Variants in SWT1 observed in about 807,000 individuals in gnomAD.
SWT1 encodes the protein SWT1 RNA endoribonuclease homolog.
In SWT1, 33 loss-of-function variants were observed where a neutral mutation model predicts 107.3. The observed-to-expected ratio is 0.31, with a 90% CI of 0.23 to 0.41. The LOEUF (loss-of-function observed/expected upper bound fraction) is 0.41. Among genes scored for constraint, SWT1 ranks in the 10% least tolerant of loss-of-function variants. The pLI is 1.00. For synonymous variants in SWT1, 345 were observed against 348.3 expected (o/e 0.99, Z 0.11); for missense variants, 898 against 1,028.9 (o/e 0.87, Z 1.74).
chr1:185,253,163 C>G (rs1373965596), intron 16 of SWT1, among the ~76,000 whole-genome samples: 1 of 147,892 alleles, frequency 6.8e-6, no homozygotes, highest in Non-Finnish European at 1.5e-5. Flanking sequence ...GGTACCAGTA[C>G]CATGCTGTTT....
chr1:185,223,777 T>C (rs1659850814), intron 15 of SWT1, among the ~76,000 whole-genome samples: 1 of 152,192 alleles, frequency 6.6e-6, no homozygotes. Flanking sequence ...TTAATTGTTT[T>C]TCCTGATCCT....
chr1:185,221,980 G>C lies in SWT1; in HGVS notation c.2253G>C (p.Arg751Ser), dbSNP rs747911535. 3 of 1,611,334 alleles carry C rather than the reference G, an allele frequency of 1.9e-6. No homozygotes were observed. In the East Asian group the frequency reaches 6.7e-5, roughly 36 times the overall value. Residue 751 changes from arginine to serine, a missense_variant, in exon 15 of 19, where the codon AGG (arginine) becomes AGC (serine). By Grantham distance (110) the Arg-to-Ser change is moderately radical (BLOSUM62 -1). Transcript: ENST00000367500. ...FSSSHLPQPS[R>S]HQEIWSILES... Reference sequence around the variant, plus strand: ...GTTCTCATCTTCCCCAACCCAGCAGGCATCAAGAAATCTGGTCTATCCTAG... The same window carrying C: ...GTTCTCATCTTCCCCAACCCAGCAGCCATCAAGAAATCTGGTCTATCCTAG...
At chr1:185,185,051 A>G (rs1656335797) in intron 9 of SWT1, 120 bp downstream of exon 9, 1 of 653,986 alleles carries the variant, frequency 1.5e-6, no homozygotes, top group Non-Finnish European at 2.3e-6. Context: ...GTGAAATGGA[A>G]GGGGCATTGT....
intron 16 of SWT1, among the ~76,000 whole-genome samples, chr1:185,257,063 G>A (rs1285369944): frequency 6.6e-6 from 1 of 152,058 alleles, no homozygotes; most frequent in Non-Finnish European, 1.5e-5. Flanking sequence ...GTGTGCCCCT[G>A]CTGGGGGGTG....
chr1:185,275,425 A>C (rs926528406), intron 17 of SWT1, among the ~76,000 whole-genome samples: 4 of 149,098 alleles, frequency 2.7e-5, no homozygotes, highest in African/African-American at 9.8e-5. Flanking sequence ...ATAATCATTA[A>C]ATATAATATC....
At chr1:185,200,233 C>T (rs1309318129) in intron 10 of SWT1, among the ~76,000 whole-genome samples, 2 of 152,134 alleles carry the variant, frequency 1.3e-5, no homozygotes, top group African/African-American at 4.8e-5. Flanking sequence ...TACTCACCTT[C>T]TGAAGCCTAC....
At position 185,243,151 on chromosome 1, in the gene SWT1, C is replaced by A. The variant is rs566768704; in HGVS notation, c.2441+11443C>A. On this transcript the variant is annotated intron_variant, in intron 16 of 18. Transcript: ENST00000367500. ...TGAAACAGGGTTTCACTCGGATGCC[C>A]AGGCTGGAGTGCAGTGCTGTGATCT... Among the ~76,000 whole-genome samples the A allele has an allele frequency of 1.6e-4, 24 of 152,296 alleles. No homozygotes were observed. The South Asian group carries it at 4.8e-3, about 30-fold the overall frequency.
intron 18 of SWT1, among the ~76,000 whole-genome samples, chr1:185,279,553 A>C (rs1304695195): frequency 6.6e-6 from 1 of 152,046 alleles, no homozygotes; most frequent in East Asian, 1.9e-4. Context: ...GAAAAATGGT[A>C]ATTGCTGCTC....
At position 185,180,285 on chromosome 1, in the gene SWT1, AC is replaced by A. The variant is rs1357009030; in HGVS notation, c.967-102del. The A allele has an allele frequency of 3.5e-6, 3 of 857,354 alleles. No individual in the cohort carries two copies. The African/African-American group carries it at 5.0e-5, about 14-fold the overall frequency. The allele number at this position is 857,354 out of a possible 1,614,324, so 53.1% of individuals were successfully genotyped here. A position where few individuals can be genotyped will look rare whatever the true frequency, so the allele number is the denominator to read the frequency against. Reference sequence around the variant, plus strand: ...TAACCATCCTGCAATATACAGGGCAACCCCTAAAGTGAATTATCTGACCCTG... The same window carrying A: ...TAACCATCCTGCAATATACAGGGCAACCCTAAAGTGAATTATCTGACCCTG... On this transcript the variant is annotated intron_variant, in intron 5 of 18. Coordinates refer to ENST00000367500, the MANE Select transcript of SWT1 (RefSeq NM_017673.7).
chr1:185,180,813 A>T (rs76481441), intron 6 of SWT1, among the ~76,000 whole-genome samples: 5,404 of 152,276 alleles, frequency 0.035, 308 homozygotes, highest in African/African-American at 0.12. Context: ...CATCAATAAG[A>T]TGAAAACATT....
At chr1:185,186,045 C>T (rs934717763) in intron 9 of SWT1, among the ~76,000 whole-genome samples, 1 of 151,626 alleles carries the variant, frequency 6.6e-6, no homozygotes, top group East Asian at 1.9e-4. Flanking sequence ...TAGCATAACC[C>T]GGGGGAAGTT....
At chr1:185,267,427 A>T (rs1663485879) in intron 16 of SWT1, among the ~76,000 whole-genome samples, 1 of 152,182 alleles carries the variant, frequency 6.6e-6, no homozygotes, top group South Asian at 2.1e-4. Context: ...GTCAGACTTA[A>T]GTGTTCAGTA....
At chr1:185,261,330 C>T (rs2102693883) in intron 16 of SWT1, among the ~76,000 whole-genome samples, 1 of 152,160 alleles carries the variant, frequency 6.6e-6, no homozygotes, top group African/African-American at 2.4e-5. Context: ...TGGCATGTGT[C>T]AGAATTTCCT....
chr1:185,198,066 TG>T (rs773048460), intron 10 of SWT1, among the ~76,000 whole-genome samples: 3 of 152,250 alleles, frequency 2.0e-5, no homozygotes, highest in African/African-American at 7.2e-5. Flanking sequence ...CTTTCTCTTG[TG>T]TGCTTTTAGT....
In SWT1 at chr1:185,283,873, T is replaced by C. The variant is rs146203975; in HGVS notation, c.2574-6801T>C. Among the ~76,000 whole-genome samples the C allele has an allele frequency of 7.4e-3, 1,122 of 152,318 alleles. 5 individuals carry two copies. Among genetic ancestry groups the C allele is most frequent in the Non-Finnish European group, 0.011 (759 of 68,022 alleles). ...ACATATATACACACCACATTTTGTT[T>C]ATTCATTCATCTCTTGATGGACATT... On this transcript the variant is annotated intron_variant, in intron 18 of 18. Coordinates refer to ENST00000367500, the MANE Select transcript of SWT1 (RefSeq NM_017673.7).
rs115067985 is a variant in SWT1, at chr1:185,159,535, A to G, written c.-9-1298A>G. ...GAATGAAAGAGTTAATATTCCAAGG[A>G]AGAAGAATTCACTCATTTATTCACT... On this transcript the variant is annotated intron_variant, in intron 1 of 18. Transcript: ENST00000367500. Among the ~76,000 whole-genome samples the G allele has an allele frequency of 2.2e-3, 340 of 152,236 alleles. 2 individuals are homozygous for G. Among genetic ancestry groups the G allele is most frequent in the African/African-American group, 7.7e-3 (318 of 41,524 alleles).
chr1:185,191,662 G>C (rs1180071075), intron 10 of SWT1, among the ~76,000 whole-genome samples: 1 of 151,890 alleles, frequency 6.6e-6, no homozygotes, highest in Non-Finnish European at 1.5e-5. Flanking sequence ...TTTTGATCTA[G>C]GACATATTAC....
chr1:185,192,884 A>G (rs2102415150), intron 10 of SWT1, among the ~76,000 whole-genome samples: 1 of 152,038 alleles, frequency 6.6e-6, no homozygotes, highest in Middle Eastern at 3.4e-3. Flanking sequence ...CTGACCTCAG[A>G]TGATCCGGCC....
At chr1:185,274,274 ATATATAT>A (rs529995622) in intron 17 of SWT1, among the ~76,000 whole-genome samples, 1 of 147,828 alleles carries the variant, frequency 6.8e-6, no homozygotes, top group African/African-American at 2.5e-5. Flanking sequence ...GATATATGTA[ATATATAT>A]TATATATAGA....
Sources: gnomAD v4.1 joint callset for allele counts (sites outside exome capture counted in the v4.1 genomes callset) on GRCh38, gnomAD v4.1.1 for gene constraint, MANE v1.5 for transcripts, NCBI Gene and HGNC (gene_info 2026-07-23, HGNC 2026-07-21) for gene names.